Variants in TNFRSF11B observed in about 807,000 individuals in gnomAD.
TNFRSF11B encodes TNF receptor superfamily member 11b.
Under a neutral mutation model 43.4 loss-of-function variants are expected in TNFRSF11B, and 16 were observed. The observed-to-expected ratio is 0.37, with a 90% CI of 0.25 to 0.56. TNFRSF11B has a LOEUF of 0.56. Among genes scored for constraint, TNFRSF11B ranks in the 20% least tolerant of loss-of-function variants. TNFRSF11B has a pLI of 0.80. For missense variants in TNFRSF11B, 444 were observed against 490.1 expected (o/e 0.91, Z 0.89); for synonymous variants, 185 against 181.8 (o/e 1.02, Z -0.14).
intron 2 of TNFRSF11B, among the ~76,000 whole-genome samples, chr8:118,931,969 C>T (rs1812336245): frequency 6.6e-6 from 1 of 152,016 alleles, no homozygotes. Context: ...GGCTAGAGTC[C>T]AGGGGTGCTG....
intron 1 of TNFRSF11B, among the ~76,000 whole-genome samples, chr8:118,939,839 G>T (rs553940518): frequency 6.6e-6 from 1 of 152,168 alleles, no homozygotes; most frequent in Admixed American, 6.6e-5. Context: ...ATTACCCAAA[G>T]AAATTGTGTA....
chr8:118,942,026 G>T (rs1047035552), intron 1 of TNFRSF11B, among the ~76,000 whole-genome samples: 1 of 152,048 alleles, frequency 6.6e-6, no homozygotes, highest in Admixed American at 6.6e-5. Context: ...TGGCATTCTG[G>T]CCCAGAACTG....
intron 1 of TNFRSF11B, among the ~76,000 whole-genome samples, chr8:118,935,022 G>A (rs754775588): frequency 1.3e-5 from 2 of 152,104 alleles, no homozygotes; most frequent in African/African-American, 4.8e-5. Flanking sequence ...CATCTCATCC[G>A]GTCATTGACC....
intron 4 of TNFRSF11B, among the ~76,000 whole-genome samples, chr8:118,925,653 G>C (rs576197611): frequency 7.0e-4 from 106 of 152,296 alleles, no homozygotes; most frequent in African/African-American, 2.1e-3. Context: ...AGACTATACA[G>C]TCATTTAACT....
At position 118,933,304 on chromosome 8, in the gene TNFRSF11B, G is replaced by C; in HGVS notation, c.31-4C>G. The C allele has an allele frequency of 6.2e-7, 1 of 1,613,114 alleles. No individual in the cohort carries two copies. Among genetic ancestry groups the C allele is most frequent in the Non-Finnish European group, 8.5e-7 (1 of 1,180,014 alleles). On this transcript the variant is annotated splice_polypyrimidine_tract_variant and splice_region_variant and intron_variant, in intron 1 of 4. Transcript: ENST00000297350. ...ACTTAATGGAGATGTCCAGAAACTA[G>C]AAGGAGAAAGGAACACAGTGGCATC... is the stretch of plus-strand genomic sequence containing the variant.
intron 1 of TNFRSF11B, among the ~76,000 whole-genome samples, chr8:118,936,797 T>C (rs914537809): frequency 6.6e-6 from 1 of 152,126 alleles, no homozygotes; most frequent in African/African-American, 2.4e-5. Context: ...AGCGAGACTC[T>C]GTCTCAAAAC....
At chr8:118,938,408 C>T (rs1477711889) in intron 1 of TNFRSF11B, among the ~76,000 whole-genome samples, 2 of 152,186 alleles carry the variant, frequency 1.3e-5, no homozygotes, top group Middle Eastern at 3.2e-3. Context: ...GTTATCATTA[C>T]GTCTCCACCA....
chr8:118,942,828 G>A (rs564002010), intron 1 of TNFRSF11B, among the ~76,000 whole-genome samples: 164 of 152,098 alleles, frequency 1.1e-3, no homozygotes, highest in African/African-American at 3.7e-3. Context: ...TTTCCCTCTC[G>A]GAGCTTGCAG....
At chr8:118,949,730 G>T (rs1812613428) in intron 1 of TNFRSF11B, among the ~76,000 whole-genome samples, 1 of 152,032 alleles carries the variant, frequency 6.6e-6, no homozygotes, top group Non-Finnish European at 1.5e-5. Context: ...TTAGACTATG[G>T]GTCCATGGTG....
At chr8:118,937,259 G>A (rs1812418117) in intron 1 of TNFRSF11B, among the ~76,000 whole-genome samples, 2 of 152,160 alleles carry the variant, frequency 1.3e-5, no homozygotes, top group South Asian at 4.2e-4. Context: ...CTTATCCTTT[G>A]GTTTCATAGT....
intron 2 of TNFRSF11B, among the ~76,000 whole-genome samples, chr8:118,931,507 A>G (rs1812328383): frequency 6.6e-6 from 1 of 152,172 alleles, no homozygotes; most frequent in Non-Finnish European, 1.5e-5. Flanking sequence ...TGAATGAATT[A>G]CATGGATTTG....
intron 3 of TNFRSF11B, among the ~76,000 whole-genome samples, chr8:118,928,243 A>C (rs1812274273): frequency 6.6e-6 from 1 of 151,766 alleles, no homozygotes; most frequent in Non-Finnish European, 1.5e-5. Context: ...GCTGGTCTTG[A>C]AATCCTGACC....
intron 1 of TNFRSF11B, among the ~76,000 whole-genome samples, 199 bp from the exon 2 acceptor site, chr8:118,933,499 A>G (rs1391508921): frequency 6.6e-6 from 1 of 152,204 alleles, no homozygotes; most frequent in Non-Finnish European, 1.5e-5. Flanking sequence ...CAGTGAACAT[A>G]TTAACTAAAA....
chr8:118,947,641 A>G (rs1812585437), intron 1 of TNFRSF11B, among the ~76,000 whole-genome samples: 1 of 152,250 alleles, frequency 6.6e-6, no homozygotes, highest in Non-Finnish European at 1.5e-5. Flanking sequence ...TCAGAACTCC[A>G]TTTTATATAC....
At position 118,924,181 on chromosome 8, in the gene TNFRSF11B, A is replaced by G. The variant is rs1812218511; in HGVS notation, c.*193T>C. 1 of 604,516 alleles carries G rather than the reference A, an allele frequency of 1.7e-6. No individual in the cohort carries two copies. The highest frequency in any genetic ancestry group is 1.9e-5 in the African/African-American group (1 of 53,984). The allele number at this position is 604,516 out of a possible 1,614,324, so 37.4% of individuals were successfully genotyped here. ...ATAACGATCCAGATCTGACAGTTGGATTAACCATTTGGGGTTTATTGGAGG... is the reference window on the plus strand; with the variant it reads ...ATAACGATCCAGATCTGACAGTTGGGTTAACCATTTGGGGTTTATTGGAGG... On this transcript the variant is annotated 3_prime_UTR_variant, in exon 5 of 5. Coordinates refer to ENST00000297350, the MANE Select transcript of TNFRSF11B (RefSeq NM_002546.4).
At chr8:118,942,534 T>C (rs1812501215) in intron 1 of TNFRSF11B, among the ~76,000 whole-genome samples, 1 of 152,084 alleles carries the variant, frequency 6.6e-6, no homozygotes, top group South Asian at 2.1e-4. Flanking sequence ...GTCTATGATG[T>C]GCGAAACATC....
intron 3 of TNFRSF11B, among the ~76,000 whole-genome samples, chr8:118,927,311 A>T (rs1166775061): frequency 6.6e-6 from 1 of 152,196 alleles, no homozygotes. Context: ...ATGTCCCAGA[A>T]AATGGGAGTA....
At chr8:118,933,680 A>G (rs530745927) in intron 1 of TNFRSF11B, among the ~76,000 whole-genome samples, 2 of 152,292 alleles carry the variant, frequency 1.3e-5, no homozygotes, top group East Asian at 3.9e-4. Flanking sequence ...CAGCTACACA[A>G]ATCACCTGTT....
Position 118,924,774 on chromosome 8 carries a change from A to T in TNFRSF11B, c.818-12T>A. The T allele has an allele frequency of 1.2e-6, 2 of 1,614,048 alleles. No individual in the cohort carries two copies. The highest frequency in any genetic ancestry group is 1.7e-6 in the Non-Finnish European group (2 of 1,180,016). On this transcript the variant is annotated splice_polypyrimidine_tract_variant and intron_variant, in intron 4 of 4. Coordinates refer to ENST00000297350, the MANE Select transcript of TNFRSF11B (RefSeq NM_002546.4). ...ACAGAGGTCAATATCTGCATAAAGC[A>T]AAAGCCCAGATAAGTGTTCACATCA...
Sources: allele counts gnomAD v4.1 joint callset (sites outside exome capture counted in the v4.1 genomes callset), GRCh38; gene constraint gnomAD v4.1.1; transcripts MANE v1.5; gene names NCBI Gene and HGNC (gene_info 2026-07-23, HGNC 2026-07-21).